RETREG1: variants seen among roughly 807,000 people sequenced by gnomAD.
The protein encoded by RETREG1 is reticulophagy regulator 1, also known as family with sequence similarity 134 member B.
RETREG1 carries 44 observed loss-of-function variants against 54.8 expected under a neutral mutation model. The observed-to-expected ratio is 0.80, with a 90% CI of 0.63 to 1.03. The LOEUF (loss-of-function observed/expected upper bound fraction) is 1.03. Among genes scored for constraint, RETREG1 ranks in the 50% least tolerant of loss-of-function variants. The pLI, the probability that RETREG1 is intolerant of heterozygous loss-of-function variation, is 0.00. For synonymous variants in RETREG1, 217 were observed against 238.5 expected (o/e 0.91, Z 0.83); for missense variants, 554 against 605.1 (o/e 0.92, Z 0.89).
intron 1 of RETREG1, among the ~76,000 whole-genome samples, chr5:16,582,954 G>A (rs1458241262): frequency 6.6e-6 from 1 of 152,122 alleles, no homozygotes; most frequent in East Asian, 1.9e-4. Context: ...GCCTCTTTGT[G>A]CCTTTATTGA....
chr5:16,606,149 G>A (rs1223498523), intron 1 of RETREG1, among the ~76,000 whole-genome samples: 3 of 152,204 alleles, frequency 2.0e-5, no homozygotes, highest in Middle Eastern at 3.4e-3. Flanking sequence ...CCTCCCCTTC[G>A]GGTGTGATTG....
rs1458384170 is a variant in RETREG1 at position 16,616,632 on chromosome 5, C to T, written c.320+20G>A. On this transcript the variant is annotated intron_variant, in intron 1 of 8. Coordinates refer to ENST00000306320, the MANE Select transcript of RETREG1 (RefSeq NM_001034850.3). ...GGTCACCTGCCCTCCTCAGCGCCCC[C>T]ACCTTGCCCAAGCTCTCACCAGAAC... 1.3e-6 allele frequency: 2 copies of T among 1,577,798 alleles called. No homozygotes were observed. The highest frequency in any genetic ancestry group is 1.3e-5 in the African/African-American group (1 of 74,480).
chr5:16,498,846 T>C (rs773348994), intron 3 of RETREG1, among the ~76,000 whole-genome samples: 4 of 152,246 alleles, frequency 2.6e-5, no homozygotes, highest in African/African-American at 7.2e-5. Flanking sequence ...TGTGCACTAC[T>C]GTAGACTTTA....
intron 3 of RETREG1, among the ~76,000 whole-genome samples, chr5:16,506,578 A>T (rs1270438170): frequency 6.6e-6 from 1 of 150,780 alleles, no homozygotes; most frequent in Admixed American, 6.6e-5. Context: ...GGCTCAGGTG[A>T]TCCACCTCAG....
intron 1 of RETREG1, 89 bp downstream of exon 1, chr5:16,616,563 C>T: frequency 6.6e-7 from 1 of 1,519,996 alleles, no homozygotes. Flanking sequence ...CAGTGTCCCG[C>T]GGGCTCCCCC....
At chr5:16,477,879 G>T in intron 7 of RETREG1, 91 bp from the exon 8 acceptor site, 1 of 1,519,774 alleles carries the variant, frequency 6.6e-7, no homozygotes, top group Non-Finnish European at 9.1e-7. Flanking sequence ...AAATGACAGA[G>T]TAATAAAAAC....
intron 3 of RETREG1, among the ~76,000 whole-genome samples, chr5:16,519,311 C>G (rs2126578392): frequency 6.6e-6 from 1 of 152,242 alleles, no homozygotes; most frequent in East Asian, 1.9e-4. Flanking sequence ...AAAGATACAA[C>G]AACCAAACCA....
chr5:16,492,229 T>TCTCTCTCTCTCTCTCTCA (rs1406702350), intron 3 of RETREG1, among the ~76,000 whole-genome samples: 3 of 110,568 alleles, frequency 2.7e-5, no homozygotes, highest in Admixed American at 1.1e-4. Context: ...TCTCTCTCTC[T>TCTCTCTCTCTCTCTCTCA]CACACACACA....
In RETREG1 at chr5:16,572,118, A is replaced by G. The variant is rs1742189272; in HGVS notation, c.321-16T>C. On this transcript the variant is annotated splice_polypyrimidine_tract_variant and intron_variant, in intron 1 of 8. Transcript: ENST00000306320. ...TGCAAGGAACCTGCAACAGCGAAACACAAATCAGTATTTCAATTTGAGGAT... is the reference window on the plus strand; with the variant it reads ...TGCAAGGAACCTGCAACAGCGAAACGCAAATCAGTATTTCAATTTGAGGAT... The G allele has an allele frequency of 1.9e-6, 3 of 1,558,676 alleles. No individual in the cohort carries two copies. The highest frequency in any genetic ancestry group is 2.7e-5 in the African/African-American group (2 of 73,940).
intron 3 of RETREG1, among the ~76,000 whole-genome samples, chr5:16,539,817 G>C (rs1313558007): frequency 6.6e-6 from 1 of 152,192 alleles, no homozygotes; most frequent in Non-Finnish European, 1.5e-5. Flanking sequence ...CAGATGTTTA[G>C]ATGTCAAATA....
chr5:16,525,093 C>A (rs1379989279), intron 3 of RETREG1, among the ~76,000 whole-genome samples: 1 of 146,928 alleles, frequency 6.8e-6, no homozygotes, highest in Admixed American at 6.8e-5. Context: ...TGCTGACCTG[C>A]ATCCTCCAGC....
intron 3 of RETREG1, among the ~76,000 whole-genome samples, chr5:16,507,650 A>G (rs2126562411): frequency 6.6e-6 from 1 of 152,354 alleles, no homozygotes; most frequent in East Asian, 1.9e-4. Flanking sequence ...AGTAGCTTTT[A>G]CAGACTCTAC....
At chr5:16,579,849 A>G (rs1012210736) in intron 1 of RETREG1, among the ~76,000 whole-genome samples, 3 of 152,124 alleles carry the variant, frequency 2.0e-5, no homozygotes, top group African/African-American at 7.2e-5. Flanking sequence ...TTATCCATTC[A>G]CCTTTTGAAG....
chr5:16,475,753 T>C (rs116297485), intron 8 of RETREG1, among the ~76,000 whole-genome samples: 101 of 152,328 alleles, frequency 6.6e-4, no homozygotes, highest in Admixed American at 2.8e-3. Flanking sequence ...AGGAAGATAC[T>C]GCTCCTTCTA....
At position 16,561,657 on chromosome 5, in the gene RETREG1, C is replaced by T. The variant is rs1327925819; in HGVS notation, c.458+4106G>A. ...CCCTAGAATAGGGAGCTTCTCACTC[C>T]GTAACCAAACCTAACAGTTAGCAAA... On this transcript the variant is annotated intron_variant, in intron 3 of 8. Transcript: ENST00000306320. The surrounding 1 kb of genome is among the most constrained non-coding windows in gnomAD (Gnocchi z 4.2). Among the ~76,000 whole-genome samples, 1 of 152,284 alleles carries T rather than the reference C, an allele frequency of 6.6e-6. No homozygotes were observed. Among genetic ancestry groups the T allele is most frequent in the East Asian group, 1.9e-4 (1 of 5,182 alleles).
chr5:16,546,723 C>T (rs1355570628), intron 3 of RETREG1, among the ~76,000 whole-genome samples: 1 of 152,112 alleles, frequency 6.6e-6, no homozygotes, highest in Non-Finnish European at 1.5e-5. Context: ...CCCCTCCTAC[C>T]TTTTTTCCTG....
chr5:16,517,541 A>G (rs536075390), intron 3 of RETREG1, among the ~76,000 whole-genome samples: 1 of 152,280 alleles, frequency 6.6e-6, no homozygotes, highest in South Asian at 2.1e-4. Context: ...GCTATACTCA[A>G]TTCTTCCCTC....
In RETREG1 at chr5:16,513,440, A is replaced by C. The variant is rs73753079; in HGVS notation, c.459-29968T>G. Among the ~76,000 whole-genome samples the C allele has an allele frequency of 7.3e-3, 1,106 of 152,316 alleles. 18 individuals carry two copies. Among genetic ancestry groups the C allele is most frequent in the African/African-American group, 0.025 (1,060 of 41,582 alleles). On this transcript the variant is annotated intron_variant, in intron 3 of 8. Transcript: ENST00000306320. ...AGGGACCAAGGGGACCTCCTTGCACACGTTTTAAACCAAAATCAAGGAGTC... is the reference window on the plus strand; with the variant it reads ...AGGGACCAAGGGGACCTCCTTGCACCCGTTTTAAACCAAAATCAAGGAGTC...
chr5:16,570,808 A>C (rs1206523496), intron 2 of RETREG1, among the ~76,000 whole-genome samples: 1 of 152,160 alleles, frequency 6.6e-6, no homozygotes, highest in Non-Finnish European at 1.5e-5. Context: ...GTTTGGGCTG[A>C]AATTGGGGAG....
Sources: gnomAD v4.1 joint callset for allele counts (sites outside exome capture counted in the v4.1 genomes callset) on GRCh38, gnomAD v4.1.1 for gene constraint, Gnocchi (gnomAD v3.1) non-coding constraint, MANE v1.5 for transcripts, NCBI Gene and HGNC (gene_info 2026-07-23, HGNC 2026-07-21) for gene names.